PABPC1L: variants seen among roughly 807,000 people sequenced by gnomAD.
PABPC1L encodes the protein poly(A) binding protein cytoplasmic 1 like.
PABPC1L carries 31 observed loss-of-function variants against 66.6 expected under a neutral mutation model. The observed-to-expected ratio is 0.47, with a 90% CI of 0.35 to 0.63. The LOEUF (loss-of-function observed/expected upper bound fraction) is 0.63, where lower values mean the gene tolerates loss of function less well. Ranked by LOEUF, PABPC1L falls within the 20% of genes least tolerant of loss-of-function variation. The pLI, the probability that PABPC1L is intolerant of heterozygous loss-of-function variation, is 0.00. For synonymous variants in PABPC1L, 348 were observed against 335.1 expected (o/e 1.04, Z -0.42); for missense variants, 722 against 848.8 (o/e 0.85, Z 1.86).
intron 10 of PABPC1L, 116 bp from the exon 11 acceptor site, chr20:44,935,275 T>A (rs1220547176): frequency 4.0e-6 from 3 of 743,896 alleles, no homozygotes; most frequent in Non-Finnish European, 6.8e-6. Flanking sequence ...CTAATTTCTT[T>A]ACATTCTTGT....
At chr20:44,923,159 A>G (rs1015053036) in intron 6 of PABPC1L, among the ~76,000 whole-genome samples, 10 of 152,172 alleles carry the variant, frequency 6.6e-5, no homozygotes, top group Non-Finnish European at 1.3e-4. Context: ...GGCAGCTGTC[A>G]CTCAACAGTG....
rs1288090232 is a variant in PABPC1L at position 44,916,741 on chromosome 20, C to T, written c.388-15C>T. ...TCTGTCAGTACTCTTCCTGTCCTTCCTCCCTGTGGCCCAGGTGGCGTGTGA... is the reference window on the plus strand; with the variant it reads ...TCTGTCAGTACTCTTCCTGTCCTTCTTCCCTGTGGCCCAGGTGGCGTGTGA... On this transcript the variant is annotated splice_polypyrimidine_tract_variant and intron_variant, in intron 2 of 14. Transcript: ENST00000217073. 7.4e-6 allele frequency: 12 copies of T among 1,613,398 alleles called. No homozygotes were observed. Among genetic ancestry groups the T allele is most frequent in the South Asian group, 3.3e-5 (3 of 91,082 alleles).
chr20:44,912,177 C>G (rs918902010), intron 1 of PABPC1L, among the ~76,000 whole-genome samples: 1 of 152,138 alleles, frequency 6.6e-6, no homozygotes, highest in Non-Finnish European at 1.5e-5. Context: ...GAGGTAATGT[C>G]CACTTTCCCC....
At chr20:44,911,724 C>T (rs764683092) in intron 1 of PABPC1L, among the ~76,000 whole-genome samples, 2 of 152,206 alleles carry the variant, frequency 1.3e-5, no homozygotes, top group Non-Finnish European at 1.5e-5. Flanking sequence ...CTTTGCTCCA[C>T]CTCCTGCCTC....
At chr20:44,914,143 C>G (rs560614630) in intron 2 of PABPC1L, among the ~76,000 whole-genome samples, 4 of 150,134 alleles carry the variant, frequency 2.7e-5, no homozygotes, top group East Asian at 2.0e-4. Context: ...ACCCCGTAGC[C>G]TTTGGAGTGT....
chr20:44,910,612 A>G (rs1453119194), intron 1 of PABPC1L, among the ~76,000 whole-genome samples: 2 of 152,248 alleles, frequency 1.3e-5, no homozygotes, highest in African/African-American at 4.8e-5. Flanking sequence ...CAGGCGGACC[A>G]GGGATAGAAG....
chr20:44,933,817 C>T (rs1471835017), intron 10 of PABPC1L, among the ~76,000 whole-genome samples: 1 of 132,948 alleles, frequency 7.5e-6, no homozygotes, highest in Non-Finnish European at 1.6e-5. Context: ...ATGGTGTGAT[C>T]TCGGCTCACT....
At chr20:44,930,420 C>G in intron 7 of PABPC1L, 40 bp from the exon 8 acceptor site, 1 of 1,584,994 alleles carries the variant, frequency 6.3e-7, no homozygotes, top group African/African-American at 1.3e-5. Context: ...AGGAGCCTTC[C>G]TTCCCCACCC....
chr20:44,912,194 G>A (rs2066709849), intron 1 of PABPC1L, among the ~76,000 whole-genome samples: 1 of 152,080 alleles, frequency 6.6e-6, no homozygotes, highest in African/African-American at 2.4e-5. Flanking sequence ...CCCCAGAGCC[G>A]GACTGCTTGA....
Position 44,926,202 on chromosome 20 carries a change from C to T in PABPC1L, c.972+1946C>T, listed in dbSNP as rs946472001. 2.8e-4 allele frequency among the ~76,000 whole-genome samples: 42 copies of T among 152,100 alleles called. 1 individual carries two copies. Among genetic ancestry groups the T allele is most frequent in the African/African-American group, 8.2e-4 (34 of 41,420 alleles). ...GTGACCATCTTTTTAACAGGACAAACGGTATAAAATGGGGATTATAAATAT... is the reference window on the plus strand; with the variant it reads ...GTGACCATCTTTTTAACAGGACAAATGGTATAAAATGGGGATTATAAATAT... On this transcript the variant is annotated intron_variant, in intron 7 of 14. Coordinates refer to ENST00000217073, the MANE Select transcript of PABPC1L (RefSeq NM_001372179.1).
At chr20:44,936,105 G>T (rs1348803572) in intron 11 of PABPC1L, among the ~76,000 whole-genome samples, 1 of 151,946 alleles carries the variant, frequency 6.6e-6, no homozygotes, top group Non-Finnish European at 1.5e-5. Context: ...CCAAGTACAG[G>T]CATGTGACAC....
rs868506480 is a variant in PABPC1L at position 44,920,226 on chromosome 20, G to A, written c.738+949G>A. Among the ~76,000 whole-genome samples the A allele has an allele frequency of 2.0e-4, 30 of 152,008 alleles. No homozygotes were observed. In the Middle Eastern group the frequency reaches 0.014, roughly 69 times the overall value. ...GTAGAGTCTAGGGGTTTGGACAAAT[G>A]CATAATGACATGTATCCACTATTAT... On this transcript the variant is annotated intron_variant, in intron 5 of 14. Transcript: ENST00000217073.
Position 44,918,898 on chromosome 20 carries a change from G to A in PABPC1L, c.504-8G>A, listed in dbSNP as rs750537926. ...CCACAGCCATGAGCCAGTGTGTCAT[G>A]TCCACAGCTTTGTGGGTCACTTCAA... On this transcript the variant is annotated splice_polypyrimidine_tract_variant and splice_region_variant and intron_variant, in intron 3 of 14. Transcript: ENST00000217073. The A allele has an allele frequency of 3.4e-5, 54 of 1,575,708 alleles. No individual in the cohort carries two copies. In the Middle Eastern group the frequency reaches 3.0e-3, roughly 88 times the overall value.
intron 4 of PABPC1L, 62 bp downstream of exon 4, chr20:44,919,107 G>A: frequency 6.2e-7 from 1 of 1,613,330 alleles, no homozygotes; most frequent in Non-Finnish European, 8.5e-7. Context: ...CCAAAGTCTG[G>A]TAGGGAGGAG....
In PABPC1L at chr20:44,918,886, C is replaced by CCAGT; in HGVS notation, c.504-19_504-16dup. On this transcript the variant is annotated intron_variant, in intron 3 of 14. Transcript: ENST00000217073. Reference sequence around the variant, plus strand: ...GCTGGTAGCTGTCCACAGCCATGAGCCAGTGTGTCATGTCCACAGCTTTGT... The same window carrying CCAGT: ...GCTGGTAGCTGTCCACAGCCATGAGCCAGTCAGTGTGTCATGTCCACAGCTTTGT... 6.4e-7 allele frequency: 1 copy of CCAGT among 1,554,682 alleles called. No homozygotes were observed. Among genetic ancestry groups the CCAGT allele is most frequent in the Non-Finnish European group, 8.7e-7 (1 of 1,149,702 alleles).
chr20:44,937,102 G>A (rs1402144661), intron 12 of PABPC1L: 6 of 418,942 alleles, frequency 1.4e-5, no homozygotes, highest in Admixed American at 2.8e-5. Context: ...TCTCCTGAAC[G>A]GGAGGAAGCT....
At chr20:44,926,029 T>G (rs1392171974) in intron 7 of PABPC1L, among the ~76,000 whole-genome samples, 1 of 152,202 alleles carries the variant, frequency 6.6e-6, no homozygotes, top group Non-Finnish European at 1.5e-5. Context: ...ATGTACAGCA[T>G]CTGCATTCAA....
intron 1 of PABPC1L, among the ~76,000 whole-genome samples, chr20:44,911,846 G>A (rs1568641354): frequency 6.6e-6 from 1 of 152,134 alleles, no homozygotes; most frequent in Non-Finnish European, 1.5e-5. Context: ...TGGAGAATCC[G>A]GGCTTCCTGA....
chr20:44,929,660 T>A (rs1251948142), intron 7 of PABPC1L, among the ~76,000 whole-genome samples: 3 of 151,946 alleles, frequency 2.0e-5, no homozygotes, highest in African/African-American at 7.3e-5. Flanking sequence ...CCAGGTGTGG[T>A]GGCACACGCC....
Sources: gnomAD v4.1 joint callset for allele counts (sites outside exome capture counted in the v4.1 genomes callset) on GRCh38, gnomAD v4.1.1 for gene constraint, MANE v1.5 for transcripts, NCBI Gene and HGNC (gene_info 2026-07-23, HGNC 2026-07-21) for gene names.